Variants in ASAP1 observed in about 807,000 individuals in gnomAD.
The protein encoded by ASAP1 is arf-GAP with SH3 domain, ANK repeat and PH domain-containing protein 1.
Under a neutral mutation model 145.2 loss-of-function variants are expected in ASAP1, and 43 were observed. That is an observed-to-expected ratio of 0.30 (90% CI 0.23 to 0.38). The LOEUF is 0.38. ASAP1 is among the 10% of genes least tolerant of loss of function. The pLI, the probability that ASAP1 is intolerant of heterozygous loss-of-function variation, is 1.00. For synonymous variants in ASAP1, 546 were observed against 515.5 expected (o/e 1.06, Z -0.80); for missense variants, 1,018 against 1,355.3 (o/e 0.75, Z 3.91).
chr8:130,115,248 G>A (rs1158774699), intron 23 of ASAP1, among the ~76,000 whole-genome samples: 3 of 152,192 alleles, frequency 2.0e-5, no homozygotes, highest in Non-Finnish European at 4.4e-5. Context: ...GCCTTAAAAA[G>A]ACTGAGGTCC....
At chr8:130,276,854 A>G (rs1171616390) in intron 3 of ASAP1, among the ~76,000 whole-genome samples, 1 of 152,088 alleles carries the variant, frequency 6.6e-6, no homozygotes, top group African/African-American at 2.4e-5. Flanking sequence ...ACAGAAATAA[A>G]GGGACAAGGA....
At chr8:130,173,384 C>G (rs6991291) in intron 9 of ASAP1, among the ~76,000 whole-genome samples, 4 of 152,160 alleles carry the variant, frequency 2.6e-5, no homozygotes, top group African/African-American at 9.7e-5. Flanking sequence ...AGAGCCACCA[C>G]GACCTGCCAA....
At chr8:130,412,103 G>A (rs1426450971) in intron 1 of ASAP1, among the ~76,000 whole-genome samples, 2 of 152,174 alleles carry the variant, frequency 1.3e-5, no homozygotes, top group Non-Finnish European at 2.9e-5. Context: ...GCAGTGAGAG[G>A]TACAGCTAGG....
chr8:130,431,003 G>A (rs989709965), intron 1 of ASAP1, among the ~76,000 whole-genome samples: 1 of 152,170 alleles, frequency 6.6e-6, no homozygotes, highest in South Asian at 2.1e-4. Context: ...GCCAGGAACT[G>A]ACCACTCTAA....
At chr8:130,385,131 A>G (rs1827951115) in intron 2 of ASAP1, among the ~76,000 whole-genome samples, 1 of 152,156 alleles carries the variant, frequency 6.6e-6, no homozygotes, top group Non-Finnish European at 1.5e-5. Context: ...CAGAGGCAGA[A>G]GGCACGTTGC....
chr8:130,159,818 T>C (rs1586475354), intron 12 of ASAP1, 46 bp downstream of exon 12: 2 of 1,474,912 alleles, frequency 1.4e-6, no homozygotes, highest in Middle Eastern at 1.7e-4. Context: ...GGAAACATTT[T>C]CTAGGTTAAT....
At chr8:130,188,362 C>T (rs1346134807) in intron 5 of ASAP1, among the ~76,000 whole-genome samples, 179 bp from the exon 6 acceptor site, 1 of 152,208 alleles carries the variant, frequency 6.6e-6, no homozygotes, top group Non-Finnish European at 1.5e-5. Flanking sequence ...ATTATCACTA[C>T]TTTGCAGCTG....
intron 3 of ASAP1, among the ~76,000 whole-genome samples, chr8:130,237,695 C>T (rs989655870): frequency 6.6e-6 from 1 of 151,912 alleles, no homozygotes; most frequent in Non-Finnish European, 1.5e-5. Flanking sequence ...ATTCTTAATC[C>T]AGGTACAGGA....
At chr8:130,152,684 T>C in intron 13 of ASAP1, 52 bp downstream of exon 13, 1 of 1,402,678 alleles carries the variant, frequency 7.1e-7, no homozygotes, top group Non-Finnish European at 1.0e-6. Flanking sequence ...GAGTACATAA[T>C]CGTGTTTGCT....
At chr8:130,092,188 CACAGAT>C in intron 24 of ASAP1, 45 bp from the exon 25 acceptor site, 2 of 1,536,536 alleles carry the variant, frequency 1.3e-6, no homozygotes, top group Non-Finnish European at 1.7e-6. Context: ...ATCCCAGTCT[CACAGAT>C]ACAAAACAGC....
intron 3 of ASAP1, among the ~76,000 whole-genome samples, chr8:130,329,701 T>TCTGAAATAGGGACTAAA (rs1225008278): frequency 6.6e-6 from 1 of 152,188 alleles, no homozygotes; most frequent in Non-Finnish European, 1.5e-5. Flanking sequence ...AACAAAGAGC[T>TCTGAAATAGGGACTAAA]CTGAAATAGG....
chr8:130,227,047 A>G (rs78698203), intron 4 of ASAP1, among the ~76,000 whole-genome samples: 1 of 152,194 alleles, frequency 6.6e-6, no homozygotes, highest in African/African-American at 2.4e-5. Context: ...ACTTTCATCA[A>G]GCACCTACAA....
chr8:130,286,256 C>T (rs550132950), intron 3 of ASAP1, among the ~76,000 whole-genome samples: 91 of 152,132 alleles, frequency 6.0e-4, no homozygotes, highest in Non-Finnish European at 1.1e-3. Flanking sequence ...TAGGCTTTGG[C>T]GAAAACTGGG....
intron 13 of ASAP1, among the ~76,000 whole-genome samples, chr8:130,137,587 C>G (rs1383055334): frequency 6.6e-6 from 1 of 152,102 alleles, no homozygotes; most frequent in East Asian, 1.9e-4. Context: ...CCCAGGTATC[C>G]ATGGATTCAA....
chr8:130,147,348 T>A (rs1354994617), intron 13 of ASAP1, among the ~76,000 whole-genome samples: 1 of 151,992 alleles, frequency 6.6e-6, no homozygotes, highest in Non-Finnish European at 1.5e-5. Flanking sequence ...TTATTTATAA[T>A]CAATAAACTC....
intron 27 of ASAP1, 69 bp from the exon 28 acceptor site, chr8:130,061,138 G>C: frequency 6.6e-7 from 1 of 1,509,284 alleles, no homozygotes; most frequent in South Asian, 1.4e-5. Context: ...TCACCTAAAA[G>C]AGGCACCATC....
chr8:130,436,311 T>C (rs117123722), intron 1 of ASAP1, among the ~76,000 whole-genome samples: 2 of 152,298 alleles, frequency 1.3e-5, no homozygotes, highest in East Asian at 3.9e-4. Flanking sequence ...TTGGTTTCTT[T>C]TGAGACATGG....
intron 1 of ASAP1, among the ~76,000 whole-genome samples, chr8:130,417,271 GCACACATA>G (rs752876611): frequency 3.3e-5 from 5 of 152,190 alleles, no homozygotes. Flanking sequence ...CCAACTGCAT[GCACACATA>G]CACACATACA....
chr8:130,143,542 C>T (rs1207357090), intron 13 of ASAP1, among the ~76,000 whole-genome samples: 1 of 152,014 alleles, frequency 6.6e-6, no homozygotes, highest in Non-Finnish European at 1.5e-5. Context: ...AGACAAAAGG[C>T]AAACCTATTC....
Sources: allele counts gnomAD v4.1 joint callset (sites outside exome capture counted in the v4.1 genomes callset), GRCh38; gene constraint gnomAD v4.1.1; transcripts MANE v1.5; gene names NCBI Gene and HGNC (gene_info 2026-07-23, HGNC 2026-07-21).